MBNL1: variants seen among roughly 807,000 people sequenced by gnomAD.
MBNL1 encodes muscleblind-like protein 1.
Under a neutral mutation model 42.2 loss-of-function variants are expected in MBNL1, and 8 were observed. The observed-to-expected ratio is 0.19, with a 90% CI of 0.11 to 0.34. The LOEUF is 0.34. MBNL1 is among the 10% of genes least tolerant of loss of function. The probability of loss-of-function intolerance (pLI) is 1.00; values close to 1 mark genes in which losing one functional copy is unlikely to be tolerated. For missense variants in MBNL1, 309 were observed against 495.3 expected (o/e 0.62, Z 3.57); for synonymous variants, 169 against 173.9 (o/e 0.97, Z 0.22).
Position 152,292,260 on chromosome 3 carries a change from CT to C in MBNL1, c.-789-7141del, listed in dbSNP as rs2151054891. On this transcript the variant is annotated intron_variant, in intron 1 of 9. Coordinates refer to ENST00000324210, the MANE Select transcript of MBNL1 (RefSeq NM_021038.5). ...GATACAGGAATTAATTCAAAATTCA[CT>C]TTTAAATCATTGTCTGTATAGAAGC... Among the ~76,000 whole-genome samples the C allele has an allele frequency of 1.3e-5, 2 of 152,294 alleles. 1 individual carries two copies. Among genetic ancestry groups the C allele is most frequent in the Admixed American group, 1.3e-4 (2 of 15,296 alleles).
chr3:152,455,500 C>T (rs1731921773), intron 6 of MBNL1, 42 bp from the exon 7 acceptor site: 2 of 1,551,256 alleles, frequency 1.3e-6, no homozygotes, highest in East Asian at 2.2e-5. Context: ...AATTCTTTTC[C>T]CTTTTCAAAT....
intron 2 of MBNL1, chr3:152,302,247 C>T (rs2061011150): frequency 6.6e-6 from 1 of 151,894 alleles, no homozygotes; most frequent in Admixed American, 6.6e-5. Context: ...CTAATCAATG[C>T]AAACTTTGTC....
At chr3:152,419,296 A>G (rs1261357861) in intron 3 of MBNL1, among the ~76,000 whole-genome samples, 1 of 152,184 alleles carries the variant, frequency 6.6e-6, no homozygotes, top group African/African-American at 2.4e-5. Context: ...AGATGGCCAA[A>G]TAGGAGCAAC....
chr3:152,422,582 G>T (rs2098825235), intron 3 of MBNL1, among the ~76,000 whole-genome samples: 1 of 152,186 alleles, frequency 6.6e-6, no homozygotes, highest in African/African-American at 2.4e-5. Context: ...ATTGAACTCA[G>T]CTCTGGACCA....
intron 2 of MBNL1, among the ~76,000 whole-genome samples, chr3:152,321,292 C>T (rs961632231): frequency 1.3e-5 from 2 of 152,076 alleles, no homozygotes; most frequent in Non-Finnish European, 2.9e-5. Context: ...TAGCTGGTAA[C>T]AAATGCTACA....
At position 152,348,692 on chromosome 3, in the gene MBNL1, GTGGGT is replaced by G. The variant is rs1267855286; in HGVS notation, c.174+48327_174+48331del. ...CACATCCTAAATAAAATAAACTGAA[GTGGGT>G]TAAGAAAATTATAGCGGTTTAGAAG... On this transcript the variant is annotated intron_variant, in intron 2 of 9. Transcript: ENST00000324210. 5.9e-5 allele frequency among the ~76,000 whole-genome samples: 9 copies of G among 152,152 alleles called. No homozygotes were observed. In the East Asian group the frequency reaches 1.7e-3, roughly 29 times the overall value.
intron 6 of MBNL1, among the ~76,000 whole-genome samples, chr3:152,450,981 G>A (rs1275754258): frequency 2.0e-5 from 3 of 152,162 alleles, no homozygotes; most frequent in Non-Finnish European, 4.4e-5. Flanking sequence ...AAGTTTGGTT[G>A]TTCTGCAGAC....
rs549863194 is a variant in MBNL1 at position 152,322,938 on chromosome 3, A to C, written c.174+22571A>C. On this transcript the variant is annotated intron_variant, in intron 2 of 9. Transcript: ENST00000324210. ...GAATTACATTTGTTTTATTGAGTCT[A>C]TTTAAGCCAGGATACTGTTAAGTAA... 5.9e-5 allele frequency among the ~76,000 whole-genome samples: 9 copies of C among 152,188 alleles called. No homozygotes were observed. In the South Asian group the frequency reaches 1.9e-3, roughly 32 times the overall value.
chr3:152,264,515 A>AAT (rs1250513883), upstream of MBNL1: 1 of 152,108 alleles, frequency 6.6e-6, no homozygotes, highest in Non-Finnish European at 1.5e-5. Flanking sequence ...TTTAAGAAAA[A>AAT]AAAAAAGACA....
At chr3:152,359,791 A>C (rs2095805182) in intron 2 of MBNL1, among the ~76,000 whole-genome samples, 1 of 152,182 alleles carries the variant, frequency 6.6e-6, no homozygotes, top group Admixed American at 6.5e-5. Flanking sequence ...AAAATTCCTC[A>C]GTGATTCATA....
At chr3:152,272,464 C>G (rs749989849) in intron 1 of MBNL1, among the ~76,000 whole-genome samples, 59 of 151,762 alleles carry the variant, frequency 3.9e-4, no homozygotes, top group Non-Finnish European at 7.2e-4. Flanking sequence ...CCTGAAGTTA[C>G]CAAACATAAA....
intron 2 of MBNL1, among the ~76,000 whole-genome samples, chr3:152,325,416 G>A (rs1452086242): frequency 6.6e-6 from 1 of 151,984 alleles, no homozygotes; most frequent in Non-Finnish European, 1.5e-5. Flanking sequence ...GACTAGAAGT[G>A]TACATTGAAT....
At chr3:152,387,824 C>T (rs1354631284) in intron 2 of MBNL1, among the ~76,000 whole-genome samples, 2 of 151,906 alleles carry the variant, frequency 1.3e-5, no homozygotes, top group Admixed American at 1.3e-4. Context: ...AGTATGTGTA[C>T]ACACATGCAT....
chr3:152,299,698 C>G lies in MBNL1; in HGVS notation c.-496C>G, dbSNP rs1577375628. The G allele has an allele frequency of 2.5e-6, 1 of 398,650 alleles. No homozygotes were observed. Among genetic ancestry groups the G allele is most frequent in the Non-Finnish European group, 4.4e-6 (1 of 226,078 alleles). 24.7% of individuals were successfully genotyped at this position (398,650 alleles called of 1,614,324 possible). On this transcript the variant is annotated 5_prime_UTR_variant, in exon 2 of 10. Transcript: ENST00000324210. ...ATCATTTTCTCGATTTTGCTCTAAA[C>G]TGCTGCATCTGTCTATGCCAAACTA...
rs1034455224 is a variant in MBNL1 at position 152,299,878 on chromosome 3, A to T, written c.-316A>T. The stretch of plus-strand genomic sequence containing the variant: ...TTTGGGCTCCAAATTGGCACTGGGA[A>T]GGGGTTACTGAGAGCACAAGGCTGA... On this transcript the variant is annotated 5_prime_UTR_variant, in exon 2 of 10. The change creates a new upstream start codon in the 5' untranslated region. Coordinates refer to ENST00000324210, the MANE Select transcript of MBNL1 (RefSeq NM_021038.5). The T allele has an allele frequency of 2.5e-6, 1 of 401,338 alleles. No homozygotes were observed. The highest frequency in any genetic ancestry group is 4.4e-6 in the Non-Finnish European group (1 of 228,022). 24.9% of individuals were successfully genotyped at this position (401,338 alleles called of 1,614,324 possible). A position where few individuals can be genotyped will look rare whatever the true frequency, so the allele number is the denominator to read the frequency against.
intron 2 of MBNL1, among the ~76,000 whole-genome samples, chr3:152,331,294 A>G (rs1163265572): frequency 6.6e-6 from 1 of 152,190 alleles, no homozygotes. Flanking sequence ...TCAAACACTG[A>G]AAGTCCTTCC....
chr3:152,281,550 C>T (rs2048483757), intron 1 of MBNL1, among the ~76,000 whole-genome samples: 1 of 152,166 alleles, frequency 6.6e-6, no homozygotes, highest in East Asian at 1.9e-4. Context: ...AGTATTAGTT[C>T]TACTCATACC....
chr3:152,270,344 C>G (rs557555126), intron 1 of MBNL1, among the ~76,000 whole-genome samples: 53 of 152,218 alleles, frequency 3.5e-4, no homozygotes, highest in African/African-American at 1.2e-3. Flanking sequence ...GACTTTCGAG[C>G]CCTCTGCAGC....
chr3:152,402,735 G>A (rs2098279666), intron 2 of MBNL1, among the ~76,000 whole-genome samples: 1 of 152,160 alleles, frequency 6.6e-6, no homozygotes, highest in South Asian at 2.1e-4. Flanking sequence ...AAAAAATGGG[G>A]CTATAGTATG....
Sources: allele counts gnomAD v4.1 joint callset (sites outside exome capture counted in the v4.1 genomes callset), GRCh38; gene constraint gnomAD v4.1.1; transcripts MANE v1.5; gene names NCBI Gene and HGNC (gene_info 2026-07-23, HGNC 2026-07-21).